Variants in GPATCH8 observed in about 807,000 individuals in gnomAD.
GPATCH8 encodes the protein G-patch domain containing 8, also known as G patch domain-containing protein 8.
In GPATCH8, 18 loss-of-function variants were observed where a neutral mutation model predicts 118.3. The observed-to-expected ratio is 0.15, with a 90% CI of 0.11 to 0.23. The LOEUF (loss-of-function observed/expected upper bound fraction) is 0.23. Among genes scored for constraint, GPATCH8 ranks in the 10% least tolerant of loss-of-function variants. The pLI is 1.00. For missense variants in GPATCH8, 1,631 were observed against 1,873.8 expected (o/e 0.87, Z 2.39); for synonymous variants, 659 against 684.7 (o/e 0.96, Z 0.59).
rs1282412588 is a variant in GPATCH8, at chr17:44,484,504, C to CA, written c.46-9602dup. On this transcript the variant is annotated intron_variant, in intron 1 of 7. Transcript: ENST00000591680. ...AAAAGTTGGCTACAAAAAACACGGG[C>CA]AAACCAGGTGTGGTGGGTGGTTCAC... Among the ~76,000 whole-genome samples, 3 of 152,116 alleles carry CA rather than the reference C, an allele frequency of 2.0e-5. No individual in the cohort carries two copies. In the South Asian group the frequency reaches 6.2e-4, roughly 32 times the overall value.
intron 3 of GPATCH8, among the ~76,000 whole-genome samples, chr17:44,442,886 T>C (rs919581514): frequency 2.6e-5 from 4 of 152,174 alleles, no homozygotes; most frequent in Non-Finnish European, 5.9e-5. Flanking sequence ...GAGACCATAC[T>C]GGGCAATAGA....
intron 3 of GPATCH8, among the ~76,000 whole-genome samples, chr17:44,454,092 C>T (rs752814760): frequency 6.6e-6 from 1 of 152,182 alleles, no homozygotes; most frequent in Non-Finnish European, 1.5e-5. Flanking sequence ...ATTCCTCCCT[C>T]CTCAGGACTT....
intron 3 of GPATCH8, among the ~76,000 whole-genome samples, chr17:44,446,169 C>G (rs2050873291): frequency 6.6e-6 from 1 of 151,914 alleles, no homozygotes; most frequent in African/African-American, 2.4e-5. Context: ...AGGCTGGTTT[C>G]AAACTCCTAG....
chr17:44,486,128 T>C (rs1022548623), intron 1 of GPATCH8: 1 of 152,230 alleles, frequency 6.6e-6, no homozygotes, highest in Non-Finnish European at 1.5e-5. Context: ...ATGTTGCCTA[T>C]GTAAATAAAA....
At chr17:44,501,279 T>C (rs1970045519) in intron 1 of GPATCH8, among the ~76,000 whole-genome samples, 1 of 151,824 alleles carries the variant, frequency 6.6e-6, no homozygotes, top group African/African-American at 2.4e-5. Context: ...TAGCCGGGTA[T>C]GGTGGCGGGT....
chr17:44,415,470 A>C (rs1310821328), intron 6 of GPATCH8, among the ~76,000 whole-genome samples: 1 of 152,224 alleles, frequency 6.6e-6, no homozygotes, highest in Non-Finnish European at 1.5e-5. Flanking sequence ...TCATGTTGGC[A>C]TTCAAAAACT....
intron 4 of GPATCH8, among the ~76,000 whole-genome samples, chr17:44,435,623 G>A (rs548763311): frequency 6.7e-6 from 1 of 148,968 alleles, no homozygotes; most frequent in South Asian, 2.1e-4. Flanking sequence ...CATCATGTTG[G>A]CCAGGCTGAT....
intron 5 of GPATCH8, among the ~76,000 whole-genome samples, chr17:44,432,529 T>G (rs2050356377): frequency 6.6e-6 from 1 of 152,118 alleles, no homozygotes; most frequent in South Asian, 2.1e-4. Flanking sequence ...AAATAAAGAA[T>G]GCAAGTAATG....
Position 44,399,285 on chromosome 17 carries a change from G to A in GPATCH8, c.2792C>T (p.Ser931Phe). ...GCAACTGAGGCTATAGTCATCATCA[G>A]AAGATGAATATTTGTGCCGTTTTGA... ...HRSKRHKYSS[S>F]DDDYSLSCSQ... The change falls in exon 8 of 8, where the codon TCT (serine) becomes TTT (phenylalanine). Residue 931 changes from serine to phenylalanine, a missense_variant. Physicochemically the swap from Ser to Phe is radical, Grantham distance 155. This residue lies in a region of GPATCH8 where 922 missense variants were observed against 879.7 expected (regional missense o/e 1.05). Coordinates refer to ENST00000591680, the MANE Select transcript of GPATCH8 (RefSeq NM_001002909.4). 1 of 1,613,856 alleles carries A rather than the reference G, an allele frequency of 6.2e-7. No homozygotes were observed. Among genetic ancestry groups the A allele is most frequent in the Non-Finnish European group, 8.5e-7 (1 of 1,179,720 alleles).
At position 44,400,750 on chromosome 17, in the gene GPATCH8, T is replaced by C; in HGVS notation, c.1327A>G (p.Lys443Glu). ...CTTGCTGCCGCCTTGATGCAGCTTTTAGGCTTGGGAGAACTGCCTTTTTTA... is the reference window on the plus strand; with the variant it reads ...CTTGCTGCCGCCTTGATGCAGCTTTCAGGCTTGGGAGAACTGCCTTTTTTA... ...ESKKGSSPKPKSCIKAAASQG... is the reference protein window; with the variant it reads ...ESKKGSSPKPESCIKAAASQG... Residue 443 changes from lysine (K) to glutamate (E), a missense_variant, in exon 8 of 8, where the codon AAA becomes GAA. By Grantham distance (56) the Lys-to-Glu change is moderately conservative (BLOSUM62 1). Transcript: ENST00000591680. 6.2e-7 allele frequency: 1 copy of C among 1,613,702 alleles called. No homozygotes were observed. Among genetic ancestry groups the C allele is most frequent in the African/African-American group, 1.3e-5 (1 of 75,026 alleles).
intron 3 of GPATCH8, among the ~76,000 whole-genome samples, chr17:44,455,842 G>A (rs1453392700): frequency 6.6e-6 from 1 of 152,120 alleles, no homozygotes; most frequent in Non-Finnish European, 1.5e-5. Flanking sequence ...CCGCCTCCTG[G>A]GTTCAAGCAA....
intron 2 of GPATCH8, among the ~76,000 whole-genome samples, chr17:44,472,625 T>C (rs1361410392): frequency 6.6e-6 from 1 of 152,190 alleles, no homozygotes; most frequent in Non-Finnish European, 1.5e-5. Context: ...TTGTAGAATG[T>C]GGTACTGGGG....
At chr17:44,414,105 GTATATATATATGTA>G (rs2049567308) in intron 6 of GPATCH8, among the ~76,000 whole-genome samples, 3 of 100,836 alleles carry the variant, frequency 3.0e-5, no homozygotes, top group Non-Finnish European at 6.5e-5. Context: ...ATATATGTGT[GTATATATATATGTA>G]TATATATGTG....
chr17:44,434,391 T>C (rs1316602036), intron 5 of GPATCH8, among the ~76,000 whole-genome samples: 1 of 152,070 alleles, frequency 6.6e-6, no homozygotes, highest in Non-Finnish European at 1.5e-5. Context: ...ATTTAATATA[T>C]AGCTAAGCTA....
Position 44,502,484 on chromosome 17 carries a change from C to A in GPATCH8, c.45+842G>T, listed in dbSNP as rs139378688. ...TTCAACAGAAAGGTATTTTCAACAG[C>A]GAAAAAACAAGTTATTCTAATTTGG... On this transcript the variant is annotated intron_variant, in intron 1 of 7. Transcript: ENST00000591680. 3.5e-3 allele frequency among the ~76,000 whole-genome samples: 531 copies of A among 151,880 alleles called. 1 individual carries two copies. Among genetic ancestry groups the A allele is most frequent in the African/African-American group, 0.012 (509 of 41,418 alleles).
chr17:44,401,053 C>G lies in GPATCH8; in HGVS notation c.1024G>C (p.Gly342Arg), dbSNP rs749925694. 1 of 1,614,174 alleles carries G rather than the reference C, an allele frequency of 6.2e-7. No individual in the cohort carries two copies. The highest frequency in any genetic ancestry group is 1.1e-5 in the South Asian group (1 of 91,090). The stretch of plus-strand genomic sequence containing the variant: ...TCAGAGTCTCCTACCTTCTGCAGTC[C>G]TTGGTCAGAACTCTTCTCATCGGGT... The part of the protein sequence containing the change: ...TKPDEKSSDQ[G>R]LQKVGDSDGS... The change falls in exon 8 of 8, where the codon GGA becomes CGA. Residue 342 changes from glycine to arginine, a missense_variant. Gly to Arg is a moderately radical substitution (Grantham distance 125). This residue lies in a region of GPATCH8 where 405 missense variants were observed against 462.7 expected (regional missense o/e 0.88). Transcript: ENST00000591680.
In GPATCH8 at chr17:44,405,953, A is replaced by G; in HGVS notation, c.591T>C (p.His197=). 6.2e-7 allele frequency: 1 copy of G among 1,612,394 alleles called. No individual in the cohort carries two copies. The highest frequency in any genetic ancestry group is 8.5e-7 in the Non-Finnish European group (1 of 1,178,402). The change falls in exon 7 of 8, where the codon CAT becomes CAC. Residue 197 remains histidine (H), a synonymous_variant. Transcript: ENST00000591680. ...KKQEKALRRL[H]ELAEQRKQAE... ...CTTGTTTTCTTTGCTCTGCCAACTC[A>G]TGGAGCCGCCGAAGGGCTTTTTCCT...
chr17:44,463,711 T>C (rs1005225058), intron 3 of GPATCH8, among the ~76,000 whole-genome samples: 45 of 152,218 alleles, frequency 3.0e-4, no homozygotes, highest in African/African-American at 1.1e-3. Flanking sequence ...AGCATTCATA[T>C]CACATCTGCA....
chr17:44,502,196 C>A (rs563001580), intron 1 of GPATCH8, among the ~76,000 whole-genome samples: 3 of 152,142 alleles, frequency 2.0e-5, no homozygotes, highest in African/African-American at 7.2e-5. Context: ...ATTTACCAAT[C>A]CTATCATCTC....
Sources: allele counts gnomAD v4.1 joint callset (sites outside exome capture counted in the v4.1 genomes callset), GRCh38; gene constraint gnomAD v4.1.1; regional missense constraint gnomAD v4.1.1; transcripts MANE v1.5; gene names NCBI Gene and HGNC (gene_info 2026-07-23, HGNC 2026-07-21).